Variants in DHX32 observed in about 807,000 individuals in gnomAD.
DHX32 encodes putative pre-mRNA-splicing factor ATP-dependent RNA helicase DHX32.
DHX32 carries 51 observed loss-of-function variants against 70.0 expected under a neutral mutation model. That is an observed-to-expected ratio of 0.73 (90% CI 0.58 to 0.92). The LOEUF (loss-of-function observed/expected upper bound fraction) is 0.92, where lower values mean the gene tolerates loss of function less well. DHX32 is among the 40% of genes least tolerant of loss of function. The probability of loss-of-function intolerance (pLI) is 0.00; values close to 1 mark genes in which losing one functional copy is unlikely to be tolerated. For synonymous variants in DHX32, 310 were observed against 315.3 expected, an observed-to-expected ratio of 0.98 and a Z score of 0.18; for missense variants, 762 against 891.8, an observed-to-expected ratio of 0.85 and a Z score of 1.85.
chr10:125,867,993 C>T (rs1367683302), intron 1 of DHX32, among the ~76,000 whole-genome samples: 1 of 151,956 alleles, frequency 6.6e-6, no homozygotes, highest in Non-Finnish European at 1.5e-5. Flanking sequence ...TCCAGATAAG[C>T]CTACTTAACA....
upstream of DHX32, among the ~76,000 whole-genome samples, chr10:125,885,350 G>A (rs867873402): frequency 2.6e-5 from 4 of 152,288 alleles, no homozygotes; most frequent in South Asian, 2.1e-4. Context: ...CTACAGATGT[G>A]ATTAAATTAA....
At chr10:125,864,779 A>C (rs1401548339) in intron 2 of DHX32, among the ~76,000 whole-genome samples, 1 of 151,814 alleles carries the variant, frequency 6.6e-6, no homozygotes, top group African/African-American at 2.4e-5. Context: ...AAATACAAAA[A>C]GTTAGCCAAG....
intron 6 of DHX32, among the ~76,000 whole-genome samples, chr10:125,845,496 T>C (rs182037641): frequency 6.6e-6 from 1 of 152,348 alleles, no homozygotes; most frequent in African/African-American, 2.4e-5. Flanking sequence ...TCATGCCTTC[T>C]CTTGTCTAAA....
chr10:125,895,538 A>T (rs1187911095), intron 1 of DHX32, among the ~76,000 whole-genome samples: 2 of 152,174 alleles, frequency 1.3e-5, no homozygotes, highest in Non-Finnish European at 1.5e-5. Flanking sequence ...AATTTTTACA[A>T]CCTACCAGAT....
chr10:125,894,333 A>G (rs1277582551), intron 1 of DHX32, among the ~76,000 whole-genome samples: 2 of 152,186 alleles, frequency 1.3e-5, no homozygotes, highest in East Asian at 3.8e-4. Flanking sequence ...TCATTCAACA[A>G]ACATTTAACA....
chr10:125,838,176 AT>A (rs1191222539), intron 10 of DHX32, 29 bp downstream of exon 10: 26 of 1,534,342 alleles, frequency 1.7e-5, no homozygotes, highest in Non-Finnish European at 2.3e-5. Context: ...TAAAAAAAAA[AT>A]ACAACCCTTT....
At chr10:125,877,611 G>A (rs1326873265) in intron 1 of DHX32, among the ~76,000 whole-genome samples, 10 of 152,066 alleles carry the variant, frequency 6.6e-5, no homozygotes, top group Non-Finnish European at 1.3e-4. Context: ...TGCTTGAACC[G>A]GGAGACGGAG....
intron 3 of DHX32, among the ~76,000 whole-genome samples, chr10:125,856,917 T>TGCCTAG (rs1477923011): frequency 6.6e-5 from 10 of 152,234 alleles, no homozygotes; most frequent in Non-Finnish European, 1.3e-4. Flanking sequence ...ATCACACCAC[T>TGCCTAG]GCACTCCAGC....
chr10:125,858,468 A>G (rs901682017), intron 3 of DHX32, among the ~76,000 whole-genome samples: 1 of 152,248 alleles, frequency 6.6e-6, no homozygotes, highest in Non-Finnish European at 1.5e-5. Context: ...AATGATAAAT[A>G]TGCAGTCATA....
intron 1 of DHX32, among the ~76,000 whole-genome samples, chr10:125,878,096 A>G (rs1944294855): frequency 6.6e-6 from 1 of 152,196 alleles, no homozygotes; most frequent in Non-Finnish European, 1.5e-5. Context: ...TCCAAATACA[A>G]CAACAAACTG....
At chr10:125,875,571 C>T (rs1021706789) in intron 1 of DHX32, among the ~76,000 whole-genome samples, 3 of 152,230 alleles carry the variant, frequency 2.0e-5, no homozygotes, top group African/African-American at 7.2e-5. Context: ...CTCAGACTTA[C>T]AGAAAGATTC....
chr10:125,851,995 A>T (rs1257849171), intron 6 of DHX32, among the ~76,000 whole-genome samples: 1 of 151,256 alleles, frequency 6.6e-6, no homozygotes, highest in Non-Finnish European at 1.5e-5. Context: ...CTGCTGATTC[A>T]CCCTTACGCT....
rs1414838010 is a variant in DHX32, at chr10:125,836,747, A to T, written c.2172T>A (p.Asn724Lys). Residue 724 changes from asparagine (N) to lysine (K), a missense_variant, in exon 11 of 11, where the codon AAT (asparagine) becomes AAA (lysine). Transcript: ENST00000284690. ...ACGTCTCACACATTTGCTGTTCCTT[A>T]TTCATTGTTGACACAGGGGATAGGT... ...VDHLSPVSTM[N>K]KEQQMCETCP... The T allele has an allele frequency of 1.2e-6, 2 of 1,613,988 alleles. No homozygotes were observed. Among genetic ancestry groups the T allele is most frequent in the East Asian group, 4.5e-5 (2 of 44,870 alleles).
At chr10:125,892,138 A>G (rs1204201983) in intron 1 of DHX32, among the ~76,000 whole-genome samples, 4 of 152,270 alleles carry the variant, frequency 2.6e-5, no homozygotes, top group Non-Finnish European at 4.4e-5. Flanking sequence ...AGTTCAATGA[A>G]TAACAGAACA....
At chr10:125,841,269 T>G (rs1296699745) in intron 7 of DHX32, 2 of 1,614,014 alleles carry the variant, frequency 1.2e-6, no homozygotes, top group Admixed American at 3.3e-5. Flanking sequence ...AGGGAAAACC[T>G]GAGGTGCTTG....
intron 6 of DHX32, among the ~76,000 whole-genome samples, chr10:125,851,839 T>G (rs1944092988): frequency 6.7e-6 from 1 of 149,946 alleles, no homozygotes; most frequent in South Asian, 2.1e-4. Flanking sequence ...GAGGATCACT[T>G]GAGCCTGTGA....
At chr10:125,849,152 C>T (rs538757314) in intron 6 of DHX32, among the ~76,000 whole-genome samples, 79 of 152,292 alleles carry the variant, frequency 5.2e-4, no homozygotes, top group African/African-American at 1.8e-3. Context: ...CTGAATTCAT[C>T]GCAAAATAAA....
Position 125,850,064 on chromosome 10 carries a change from C to G in DHX32, c.1351+2229G>C, listed in dbSNP as rs147495110. 2.2e-4 allele frequency among the ~76,000 whole-genome samples: 34 copies of G among 151,364 alleles called. 1 individual carries two copies. In the East Asian group the frequency reaches 6.6e-3, roughly 30 times the overall value. ...TCACTGCAACCTTGAACCCTGGACTCAAGTGATCCTCCTGACTCAGCTTCC... is the reference window on the plus strand; with the variant it reads ...TCACTGCAACCTTGAACCCTGGACTGAAGTGATCCTCCTGACTCAGCTTCC... On this transcript the variant is annotated intron_variant, in intron 6 of 10. Coordinates refer to ENST00000284690, the MANE Select transcript of DHX32 (RefSeq NM_018180.3).
chr10:125,859,863 A>G lies in DHX32; in HGVS notation c.589T>C (p.Leu197=), dbSNP rs1298197341. The change falls in exon 3 of 11, where the codon TTA becomes CTA. Residue 197 remains leucine (L), a synonymous_variant. Coordinates refer to ENST00000284690, the MANE Select transcript of DHX32 (RefSeq NM_018180.3). ...IHERSIATDV[L]LGLLKDVLLA... is the part of the protein sequence containing the mutation. ...AAAACATCTTTAAGAAGTCCAAGTA[A>G]CACATCAGTTGCAATGCTTCTTTCA... The G allele has an allele frequency of 1.2e-6, 2 of 1,614,098 alleles. No individual in the cohort carries two copies. The highest frequency in any genetic ancestry group is 1.7e-6 in the Non-Finnish European group (2 of 1,180,010).
Sources: gnomAD v4.1 joint callset for allele counts (sites outside exome capture counted in the v4.1 genomes callset) on GRCh38, gnomAD v4.1.1 for gene constraint, MANE v1.5 for transcripts, NCBI Gene and HGNC (gene_info 2026-07-23, HGNC 2026-07-21) for gene names.